The following INSYN2B variants were observed in gnomAD, a reference collection of about 807,000 sequenced individuals.
INSYN2B encodes protein INSYN2B.
Under a neutral mutation model 41.2 loss-of-function variants are expected in INSYN2B, and 16 were observed. The observed-to-expected ratio is 0.39, with a 90% CI of 0.26 to 0.59. The LOEUF (loss-of-function observed/expected upper bound fraction) is 0.59. INSYN2B is among the 20% of genes least tolerant of loss of function. The pLI is 0.57. For synonymous variants in INSYN2B, 245 were observed against 244.4 expected (o/e 1.00, Z -0.02); for missense variants, 608 against 646.4 (o/e 0.94, Z 0.64).
chr5:169,931,091 G>A (rs1775728264), intron 1 of INSYN2B, among the ~76,000 whole-genome samples: 1 of 152,190 alleles, frequency 6.6e-6, no homozygotes, highest in Admixed American at 6.5e-5. Context: ...TTGCTTGACT[G>A]GTTGACTCAT....
intron 1 of INSYN2B, among the ~76,000 whole-genome samples, chr5:169,888,801 A>G (rs1219403990): frequency 2.0e-5 from 3 of 152,238 alleles, no homozygotes; most frequent in Admixed American, 6.5e-5. Context: ...CACTCTTCAG[A>G]TAGAACCCAG....
chr5:169,969,857 A>G (rs1777436874), intron 1 of INSYN2B, among the ~76,000 whole-genome samples: 1 of 152,262 alleles, frequency 6.6e-6, no homozygotes, highest in African/African-American at 2.4e-5. Context: ...CCTTGGAAAT[A>G]TAGACTGGGA....
chr5:169,918,631 G>A (rs453091), intron 1 of INSYN2B, among the ~76,000 whole-genome samples: 60,014 of 151,806 alleles, frequency 0.4, 12,452 homozygotes, highest in East Asian at 0.54. Flanking sequence ...ATGCAAACTA[G>A]ACCAGGTGCA....
At position 169,863,843 on chromosome 5, in the gene INSYN2B, A is replaced by G. The variant is rs1771360893; in HGVS notation, c.*430T>C. Among the ~76,000 whole-genome samples the G allele has an allele frequency of 6.6e-6, 1 of 152,218 alleles. No individual in the cohort carries two copies. The highest frequency in any genetic ancestry group is 2.4e-5 in the African/African-American group (1 of 41,452). On this transcript the variant is annotated 3_prime_UTR_variant, in exon 4 of 4. Transcript: ENST00000377365. ...TTTTTTTCTATGGTACCTGCTTATA[A>G]CCTATAACCTCCCTCTACCTTCCGG...
At chr5:169,916,880 G>A (rs913518204) in intron 1 of INSYN2B, among the ~76,000 whole-genome samples, 2 of 152,166 alleles carry the variant, frequency 1.3e-5, no homozygotes, top group African/African-American at 2.4e-5. Flanking sequence ...AAGTAATGGG[G>A]CCTAGATTTG....
chr5:169,941,495 A>G lies in INSYN2B; in HGVS notation c.-919+38782T>C, dbSNP rs141803312. Among the ~76,000 whole-genome samples the G allele has an allele frequency of 3.4e-3, 525 of 152,310 alleles. 5 individuals carry two copies. In the South Asian group the frequency reaches 0.043, roughly 12 times the overall value. ...AGGTTACTGCAGGTGCAAAGGCCCC[A>G]TGGAACCAGGGCAAGTGTCTGTTGG... On this transcript the variant is annotated intron_variant, in intron 1 of 3. Coordinates refer to ENST00000377365, the MANE Select transcript of INSYN2B (RefSeq NM_001129891.3).
chr5:169,878,760 G>T (rs1772468679), intron 3 of INSYN2B, among the ~76,000 whole-genome samples: 1 of 152,210 alleles, frequency 6.6e-6, no homozygotes, highest in Non-Finnish European at 1.5e-5. Flanking sequence ...ATGCTAAGGA[G>T]AAGTGAAGGG....
intron 1 of INSYN2B, among the ~76,000 whole-genome samples, chr5:169,908,430 C>G (rs1180282847): frequency 1.3e-5 from 2 of 152,010 alleles, no homozygotes; most frequent in South Asian, 4.1e-4. Flanking sequence ...AAAACTAATC[C>G]CCAAATCATG....
rs1198609887 is a variant in INSYN2B, at chr5:169,882,792, C to G, written c.1107G>C (p.Glu369Asp). 4 of 1,551,610 alleles carry G rather than the reference C, an allele frequency of 2.6e-6. No homozygotes were observed. Among genetic ancestry groups the G allele is most frequent in the Non-Finnish European group, 3.5e-6 (4 of 1,146,964 alleles). The part of the protein sequence containing the change: ...ANNPTESDTL[E>D]FPNCPGSNHL... ...GATTACTTCCTGGACAATTTGGAAA[C>G]TCCAGTGTGTCTGACTCGGTGGGGT... is the stretch of plus-strand genomic sequence containing the variant. Residue 369 changes from glutamate (E) to aspartate (D), a missense_variant, in exon 2 of 4, where the codon GAG becomes GAC. Glu to Asp is a conservative substitution (Grantham distance 45). Transcript: ENST00000377365.
chr5:169,938,900 T>C (rs1456733609), intron 1 of INSYN2B, among the ~76,000 whole-genome samples: 1 of 136,822 alleles, frequency 7.3e-6, no homozygotes, highest in Non-Finnish European at 1.6e-5. Flanking sequence ...TTCTTTCTTT[T>C]TTTTCTTTTC....
intron 1 of INSYN2B, among the ~76,000 whole-genome samples, chr5:169,961,520 T>C (rs1472187804): frequency 6.6e-6 from 1 of 152,210 alleles, no homozygotes; most frequent in Non-Finnish European, 1.5e-5. Context: ...ATTCAGGCAC[T>C]GTGTTGGATG....
intron 1 of INSYN2B, among the ~76,000 whole-genome samples, chr5:169,893,839 C>G (rs1316384642): frequency 6.6e-6 from 1 of 152,096 alleles, no homozygotes; most frequent in Admixed American, 6.5e-5. Flanking sequence ...GGAGAGGGAT[C>G]CAGTTGGAAT....
chr5:169,954,586 T>C (rs1776790470), intron 1 of INSYN2B, among the ~76,000 whole-genome samples: 1 of 152,216 alleles, frequency 6.6e-6, no homozygotes, highest in Non-Finnish European at 1.5e-5. Context: ...TATCCATCCC[T>C]GTTCTTCTAT....
rs1033994769 is a variant in INSYN2B, at chr5:169,861,307, A to G, written c.*2966T>C. On this transcript the variant is annotated 3_prime_UTR_variant, in exon 4 of 4. Coordinates refer to ENST00000377365, the MANE Select transcript of INSYN2B (RefSeq NM_001129891.3). ...AGCTAGTAATGGAGTCTTAAAACCT[A>G]GAAAAAATATGTAAGTTTATTGCAA... is the stretch of plus-strand genomic sequence containing the variant. Among the ~76,000 whole-genome samples, 4 of 152,258 alleles carry G rather than the reference A, an allele frequency of 2.6e-5. No individual in the cohort carries two copies. The highest frequency in any genetic ancestry group is 5.9e-5 in the Non-Finnish European group (4 of 68,044).
intron 1 of INSYN2B, among the ~76,000 whole-genome samples, chr5:169,947,811 C>T (rs1776505998): frequency 1.3e-5 from 2 of 152,162 alleles, no homozygotes; most frequent in Non-Finnish European, 2.9e-5. Context: ...GCTGGGTGAG[C>T]ATGAGCATAC....
intron 1 of INSYN2B, among the ~76,000 whole-genome samples, chr5:169,941,111 G>A (rs538347377): frequency 1.8e-4 from 28 of 152,176 alleles, no homozygotes; most frequent in Non-Finnish European, 3.4e-4. Context: ...AACTGAAGCC[G>A]CGCCCCGAAG....
intron 1 of INSYN2B, among the ~76,000 whole-genome samples, chr5:169,928,759 G>A (rs774386815): frequency 4.1e-4 from 62 of 152,136 alleles, no homozygotes; most frequent in Admixed American, 2.0e-4. Context: ...GGAATGAGTG[G>A]GTGGAAGAAA....
intron 1 of INSYN2B, among the ~76,000 whole-genome samples, chr5:169,899,813 A>C (rs1055784902): frequency 6.6e-6 from 1 of 152,180 alleles, no homozygotes; most frequent in African/African-American, 2.4e-5. Context: ...TGACTCCATA[A>C]GTTTTTATTC....
chr5:169,950,985 T>C (rs954732043), intron 1 of INSYN2B, among the ~76,000 whole-genome samples: 6 of 152,222 alleles, frequency 3.9e-5, no homozygotes, highest in African/African-American at 4.8e-5. Context: ...GGCGGTTGAA[T>C]GTAAACATTT....
Sources: allele counts gnomAD v4.1 joint callset (sites outside exome capture counted in the v4.1 genomes callset), GRCh38; gene constraint gnomAD v4.1.1; transcripts MANE v1.5; gene names NCBI Gene and HGNC (gene_info 2026-07-23, HGNC 2026-07-21).